Variants in KSR2 observed in about 807,000 individuals in gnomAD.
KSR2 encodes kinase suppressor of ras 2.
In KSR2, 25 loss-of-function variants were observed where a neutral mutation model predicts 107.8. That is an observed-to-expected ratio of 0.23 (90% confidence interval 0.17 to 0.32). KSR2 has a LOEUF of 0.32. Among genes scored for constraint, KSR2 ranks in the 10% least tolerant of loss-of-function variants. KSR2 has a pLI of 1.00. For missense variants in KSR2, 887 were observed against 1,268.9 expected (o/e 0.70, Z 4.57); for synonymous variants, 480 against 507.0 (o/e 0.95, Z 0.71).
At chr12:117,619,070 C>T (rs1882030334) in intron 5 of KSR2, among the ~76,000 whole-genome samples, 1 of 152,160 alleles carries the variant, frequency 6.6e-6, no homozygotes, top group Admixed American at 6.5e-5. Flanking sequence ...AGATAACTCC[C>T]ACCTTCAAGA....
At chr12:117,640,023 T>C (rs1339225172) in intron 5 of KSR2, among the ~76,000 whole-genome samples, 1 of 151,970 alleles carries the variant, frequency 6.6e-6, no homozygotes, top group African/African-American at 2.4e-5. Flanking sequence ...GGAAACTGAG[T>C]CTCAGGGAGG....
intron 3 of KSR2, among the ~76,000 whole-genome samples, chr12:117,814,006 G>A (rs968821704): frequency 6.6e-6 from 1 of 152,208 alleles, no homozygotes; most frequent in Non-Finnish European, 1.5e-5. Context: ...ATTATATTAA[G>A]TGAAATAAGC....
chr12:117,879,742 A>G (rs1489924028), intron 1 of KSR2, among the ~76,000 whole-genome samples: 1 of 152,192 alleles, frequency 6.6e-6, no homozygotes, highest in Non-Finnish European at 1.5e-5. Flanking sequence ...AAAAAACTGT[A>G]TATCAAATTT....
intron 1 of KSR2, among the ~76,000 whole-genome samples, chr12:117,883,107 C>T (rs1035372901): frequency 3.3e-5 from 5 of 152,228 alleles, no homozygotes; most frequent in African/African-American, 9.6e-5. Context: ...ATCCATTCAG[C>T]TATCTATCCA....
At chr12:117,495,796 T>C (rs1371346654) in intron 14 of KSR2, among the ~76,000 whole-genome samples, 1 of 152,206 alleles carries the variant, frequency 6.6e-6, no homozygotes, top group Non-Finnish European at 1.5e-5. Flanking sequence ...GGCTCACACC[T>C]GTAATCCCAG....
At chr12:117,669,263 T>C (rs1410514498) in intron 4 of KSR2, among the ~76,000 whole-genome samples, 1 of 152,138 alleles carries the variant, frequency 6.6e-6, no homozygotes, top group East Asian at 1.9e-4. Flanking sequence ...TTAATAGCAA[T>C]GTGTTATGAG....
chr12:117,797,515 CG>C (rs1368296218), intron 3 of KSR2, among the ~76,000 whole-genome samples: 2 of 130,388 alleles, frequency 1.5e-5, no homozygotes, highest in Non-Finnish European at 3.2e-5. Context: ...TTAATGGCTA[CG>C]GGGTTTCTAT....
chr12:117,519,905 T>C (rs1874635754), intron 14 of KSR2, among the ~76,000 whole-genome samples: 1 of 152,154 alleles, frequency 6.6e-6, no homozygotes, highest in Admixed American at 6.6e-5. Flanking sequence ...TCAGTTCTAA[T>C]AGGCCAGTGG....
At chr12:117,831,752 T>A (rs1473771834) in intron 3 of KSR2, among the ~76,000 whole-genome samples, 1 of 152,178 alleles carries the variant, frequency 6.6e-6, no homozygotes, top group Non-Finnish European at 1.5e-5. Flanking sequence ...TTTCCACACA[T>A]GGAAGTGATG....
At chr12:117,673,886 G>A (rs575652424) in intron 4 of KSR2, among the ~76,000 whole-genome samples, 2 of 152,150 alleles carry the variant, frequency 1.3e-5, no homozygotes, top group Non-Finnish European at 2.9e-5. Flanking sequence ...AAATTAGGTG[G>A]CACAAAACAT....
At chr12:117,744,723 A>G (rs1888341696) in intron 4 of KSR2, among the ~76,000 whole-genome samples, 1 of 152,148 alleles carries the variant, frequency 6.6e-6, no homozygotes, top group Non-Finnish European at 1.5e-5. Flanking sequence ...TTCATGCTTG[A>G]TCCATTATTA....
At chr12:117,648,901 C>T (rs1435996916) in intron 5 of KSR2, among the ~76,000 whole-genome samples, 1 of 152,188 alleles carries the variant, frequency 6.6e-6, no homozygotes, top group Admixed American at 6.5e-5. Context: ...AGAACACACA[C>T]CCAAAAACAT....
chr12:117,541,750 C>T (rs1876506137), intron 9 of KSR2, among the ~76,000 whole-genome samples: 2 of 152,172 alleles, frequency 1.3e-5, no homozygotes, highest in Non-Finnish European at 2.9e-5. Flanking sequence ...TGGACATTCT[C>T]TGTCTAGATG....
intron 16 of KSR2, among the ~76,000 whole-genome samples, chr12:117,482,973 A>C (rs987890026): frequency 6.6e-5 from 10 of 152,220 alleles, no homozygotes; most frequent in Non-Finnish European, 1.5e-4. Context: ...GACACTGGGA[A>C]ACTGGGAAGG....
chr12:117,482,473 G>A (rs777346491), intron 16 of KSR2, among the ~76,000 whole-genome samples: 2 of 152,204 alleles, frequency 1.3e-5, no homozygotes, highest in African/African-American at 2.4e-5. Context: ...ACTTGTGGGT[G>A]GCCAGGAAAT....
At chr12:117,775,783 A>C (rs1889665236) in intron 3 of KSR2, among the ~76,000 whole-genome samples, 1 of 152,228 alleles carries the variant, frequency 6.6e-6, no homozygotes, top group African/African-American at 2.4e-5. Context: ...AATGGCATTC[A>C]CAGCGACCTG....
intron 5 of KSR2, among the ~76,000 whole-genome samples, chr12:117,600,071 C>T (rs1399401714): frequency 6.6e-6 from 1 of 152,160 alleles, no homozygotes; most frequent in African/African-American, 2.4e-5. Flanking sequence ...AGAGCAGCCA[C>T]CACTCCCAGC....
At chr12:117,552,613 A>G (rs1357367637) in intron 9 of KSR2, among the ~76,000 whole-genome samples, 1 of 152,140 alleles carries the variant, frequency 6.6e-6, no homozygotes, top group Non-Finnish European at 1.5e-5. Context: ...CCAGGCTTTG[A>G]CTCAACCCAG....
At chr12:117,829,285 C>T (rs999340727) in intron 3 of KSR2, among the ~76,000 whole-genome samples, 16 of 152,218 alleles carry the variant, frequency 1.1e-4, no homozygotes, top group Admixed American at 8.5e-4. Context: ...GTTCCCCCAA[C>T]CAATTGGTAA....
Sources: gnomAD v4.1 joint callset for allele counts (sites outside exome capture counted in the v4.1 genomes callset) on GRCh38, gnomAD v4.1.1 for gene constraint, MANE v1.5 for transcripts, NCBI Gene and HGNC (gene_info 2026-07-23, HGNC 2026-07-21) for gene names.